UPK1B: variants seen among roughly 807,000 people sequenced by gnomAD.
UPK1B encodes uroplakin-1b.
In UPK1B, 28 loss-of-function variants were observed where a neutral mutation model predicts 34.2. The ratio of observed to expected loss-of-function variants is 0.82; its 90% CI spans 0.61 to 1.12. The LOEUF (loss-of-function observed/expected upper bound fraction) is 1.12. Among genes scored for constraint, UPK1B ranks in the 50% most tolerant of loss-of-function variants. UPK1B has a pLI of 0.00. For missense variants in UPK1B, 325 were observed against 320.9 expected (o/e 1.01, Z -0.10); for synonymous variants, 81 against 110.4 (o/e 0.73, Z 1.67).
intron 1 of UPK1B, among the ~76,000 whole-genome samples, chr3:119,179,342 G>T: frequency 9.3e-6 from 1 of 107,762 alleles, no homozygotes; most frequent in Non-Finnish European, 1.9e-5. Context: ...GAGGGAGAGA[G>T]AGAGAGGGAG....
chr3:119,196,622 CT>C (rs1197994676), intron 6 of UPK1B, among the ~76,000 whole-genome samples: 1 of 150,102 alleles, frequency 6.7e-6, no homozygotes, highest in Non-Finnish European at 1.5e-5. Context: ...TCACTGCAAC[CT>C]CCACCTCCCA....
chr3:119,202,259 C>G (rs1257271376), intron 7 of UPK1B, among the ~76,000 whole-genome samples: 1 of 152,148 alleles, frequency 6.6e-6, no homozygotes, highest in Non-Finnish European at 1.5e-5. Context: ...TAAGCATGCC[C>G]ATTTCACTGT....
intron 3 of UPK1B, among the ~76,000 whole-genome samples, chr3:119,189,011 G>A (rs767188829): frequency 2.0e-5 from 3 of 152,196 alleles, no homozygotes; most frequent in Non-Finnish European, 4.4e-5. Flanking sequence ...ACAGGAAAAA[G>A]GGAGAGGAGA....
At chr3:119,203,353 A>AC (rs199960793) in intron 7 of UPK1B, among the ~76,000 whole-genome samples, 6,553 of 149,492 alleles carry the variant, frequency 0.044, 257 homozygotes, top group South Asian at 0.095. Context: ...AAAAAAAAAA[A>AC]AAAAAAAAAA....
At chr3:119,185,143 C>T (rs2078011999) in intron 1 of UPK1B, among the ~76,000 whole-genome samples, 1 of 152,172 alleles carries the variant, frequency 6.6e-6, no homozygotes, top group African/African-American at 2.4e-5. Context: ...TTCCATTTCT[C>T]CAGCAAACAT....
intron 1 of UPK1B, among the ~76,000 whole-genome samples, chr3:119,186,141 C>T (rs560892388): frequency 5.3e-5 from 8 of 152,342 alleles, no homozygotes; most frequent in African/African-American, 1.9e-4. Context: ...GGTAGAGTGG[C>T]ACACACCTGG....
chr3:119,194,670 A>G (rs1004796103), intron 6 of UPK1B, among the ~76,000 whole-genome samples: 2 of 152,252 alleles, frequency 1.3e-5, no homozygotes, highest in Non-Finnish European at 2.9e-5. Flanking sequence ...TGCACAATGT[A>G]TGGAATTGGT....
At chr3:119,187,266 T>A (rs1245752172) in intron 2 of UPK1B, among the ~76,000 whole-genome samples, 1 of 152,084 alleles carries the variant, frequency 6.6e-6, no homozygotes, top group Non-Finnish European at 1.5e-5. Context: ...AGAAGAACAT[T>A]TGTTTTGGAG....
At chr3:119,179,776 G>A (rs1488079655) in intron 1 of UPK1B, among the ~76,000 whole-genome samples, 8 of 139,792 alleles carry the variant, frequency 5.7e-5, no homozygotes, top group Non-Finnish European at 1.2e-4. Flanking sequence ...CAGAGTGCGG[G>A]GATTACAGGC....
chr3:119,182,752 T>C (rs1306064600), intron 1 of UPK1B, among the ~76,000 whole-genome samples: 1 of 152,212 alleles, frequency 6.6e-6, no homozygotes, highest in Non-Finnish European at 1.5e-5. Flanking sequence ...ATGCAGCAAA[T>C]GTTTTAGGTC....
chr3:119,183,086 T>C (rs1403431096), intron 1 of UPK1B, among the ~76,000 whole-genome samples: 1 of 152,194 alleles, frequency 6.6e-6, no homozygotes, highest in African/African-American at 2.4e-5. Context: ...AATGTGTCTG[T>C]TCTCTCCACT....
chr3:119,179,399 T>TATATATATG (rs1559900078), intron 1 of UPK1B, among the ~76,000 whole-genome samples: 1 of 54,314 alleles, frequency 1.8e-5, no homozygotes, highest in Non-Finnish European at 3.5e-5. Flanking sequence ...ATATATATAT[T>TATATATATG]AATTCTAAGG....
intron 6 of UPK1B, among the ~76,000 whole-genome samples, chr3:119,196,577 G>C (rs1283958123): frequency 8.0e-6 from 1 of 124,648 alleles, no homozygotes; most frequent in African/African-American, 3.1e-5. Flanking sequence ...GTCTCACTCT[G>C]TCGCCAGGCT....
At chr3:119,174,500 A>C (rs2077943530) in intron 1 of UPK1B, among the ~76,000 whole-genome samples, 1 of 152,182 alleles carries the variant, frequency 6.6e-6, no homozygotes, top group Non-Finnish European at 1.5e-5. Flanking sequence ...ACATGCCTGC[A>C]GTTCCAGCTA....
At chr3:119,175,746 G>A (rs1214351621) in intron 1 of UPK1B, among the ~76,000 whole-genome samples, 1 of 152,204 alleles carries the variant, frequency 6.6e-6, no homozygotes, top group African/African-American at 2.4e-5. Flanking sequence ...TTTCTGTGAT[G>A]AGGGAAATGT....
intron 4 of UPK1B, 117 bp downstream of exon 4, chr3:119,190,436 A>G (rs972266042): frequency 1.6e-6 from 1 of 643,884 alleles, no homozygotes; most frequent in African/African-American, 1.8e-5. Context: ...TAATACATCT[A>G]TCATTTTACT....
chr3:119,192,849 A>G (rs1023621039), intron 5 of UPK1B, among the ~76,000 whole-genome samples: 2 of 152,174 alleles, frequency 1.3e-5, no homozygotes, highest in Non-Finnish European at 2.9e-5. Context: ...CTATCTTATA[A>G]AAAGACTCCC....
At chr3:119,198,495 G>T (rs2078076517) in intron 6 of UPK1B, among the ~76,000 whole-genome samples, 1 of 152,154 alleles carries the variant, frequency 6.6e-6, no homozygotes, top group African/African-American at 2.4e-5. Context: ...TTATTCCTTT[G>T]CATGCTCACT....
intron 7 of UPK1B, among the ~76,000 whole-genome samples, chr3:119,200,602 C>T (rs893526296): frequency 6.6e-6 from 1 of 152,162 alleles, no homozygotes; most frequent in African/African-American, 2.4e-5. Context: ...TCACATGTGG[C>T]ATTGATATTG....
Sources: gnomAD v4.1 joint callset for allele counts (sites outside exome capture counted in the v4.1 genomes callset) on GRCh38, gnomAD v4.1.1 for gene constraint, MANE v1.5 for transcripts, NCBI Gene and HGNC (gene_info 2026-07-23, HGNC 2026-07-21) for gene names.